The following KLRG1 variants were observed in gnomAD, a reference collection of about 807,000 sequenced individuals.
KLRG1 encodes the protein killer cell lectin like receptor G1.
KLRG1 carries 16 observed loss-of-function variants against 21.8 expected under a neutral mutation model. The ratio of observed to expected loss-of-function variants is 0.73; its 90% CI spans 0.50 to 1.11. The LOEUF (loss-of-function observed/expected upper bound fraction) is 1.11. Ranked by LOEUF, KLRG1 falls within the 50% of genes most tolerant of loss-of-function variation. KLRG1 has a pLI of 0.00. For missense variants in KLRG1, 173 were observed against 218.3 expected (o/e 0.79, Z 1.31); for synonymous variants, 69 against 75.9 (o/e 0.91, Z 0.47).
the KLRG1 span, chr12:9,149,439 G>T: frequency 2.1e-6 from 2 of 965,346 alleles, no homozygotes; most frequent in Non-Finnish European, 3.1e-6. Flanking sequence ...GTCTTGGTGT[G>T]AGGACATGCC....
At chr12:9,053,223 G>A in the KLRG1 span, among the ~76,000 whole-genome samples, 41 of 152,178 alleles carry the variant, frequency 2.7e-4, no homozygotes, top group African/African-American at 9.4e-4. Flanking sequence ...GTCCTGTGCA[G>A]GGTTGTTCCC....
At chr12:9,171,870 G>T in the KLRG1 span, among the ~76,000 whole-genome samples, 2 of 152,136 alleles carry the variant, frequency 1.3e-5, no homozygotes, top group Non-Finnish European at 2.9e-5. Flanking sequence ...GACTGATTGG[G>T]ATCCTTGAAA....
the KLRG1 span, among the ~76,000 whole-genome samples, chr12:9,133,475 A>G: frequency 6.6e-6 from 1 of 152,270 alleles, no homozygotes; most frequent in Non-Finnish European, 1.5e-5. Context: ...ATCAAAGTAT[A>G]TAAACAAATA....
At chr12:9,017,085 G>A in the KLRG1 span, among the ~76,000 whole-genome samples, 8 of 151,648 alleles carry the variant, frequency 5.3e-5, no homozygotes, top group East Asian at 9.7e-4. Flanking sequence ...CCAACATGGC[G>A]AAACCTTGTC....
the KLRG1 span, among the ~76,000 whole-genome samples, chr12:9,042,329 T>A: frequency 6.6e-6 from 1 of 152,180 alleles, no homozygotes; most frequent in Admixed American, 6.5e-5. Flanking sequence ...CAGTAAAAGA[T>A]TATTAAAGTA....
chr12:9,088,848 T>C, the KLRG1 span, among the ~76,000 whole-genome samples: 3 of 152,212 alleles, frequency 2.0e-5, no homozygotes, highest in Non-Finnish European at 2.9e-5. Context: ...TAGAATGCCC[T>C]AAATTCAGCC....
the KLRG1 span, chr12:9,079,223 A>C: frequency 1.2e-6 from 2 of 1,605,236 alleles, no homozygotes; most frequent in Non-Finnish European, 1.7e-6. Context: ...AAAGAAGCTC[A>C]AAAAATTGTT....
chr12:9,131,855 A>G, the KLRG1 span, among the ~76,000 whole-genome samples: 1 of 151,938 alleles, frequency 6.6e-6, no homozygotes, highest in African/African-American at 2.4e-5. Flanking sequence ...AAATGAGAAG[A>G]TATTTTCCAA....
intron 3 of KLRG1, among the ~76,000 whole-genome samples, chr12:9,002,549 T>C (rs146607866): frequency 2.7e-4 from 40 of 150,504 alleles, no homozygotes; most frequent in African/African-American, 9.5e-4. Flanking sequence ...GAGTTCTCAG[T>C]TACCACCTTT....
chr12:9,082,109 AC>A, the KLRG1 span, among the ~76,000 whole-genome samples: 1 of 152,126 alleles, frequency 6.6e-6, no homozygotes, highest in African/African-American at 2.4e-5. Flanking sequence ...AATATGCTTG[AC>A]CTGGGAGTCT....
At chr12:9,138,838 A>G in the KLRG1 span, among the ~76,000 whole-genome samples, 3 of 150,566 alleles carry the variant, frequency 2.0e-5, no homozygotes, top group Non-Finnish European at 3.0e-5. Flanking sequence ...ATCTTCTTTC[A>G]TTTCTTTTTT....
chr12:9,122,289 G>A, the KLRG1 span, among the ~76,000 whole-genome samples: 6 of 152,206 alleles, frequency 3.9e-5, no homozygotes, highest in African/African-American at 1.4e-4. Context: ...GTGTTTGTGT[G>A]TGGGTTTGCA....
chr12:9,177,455 C>T, the KLRG1 span, among the ~76,000 whole-genome samples: 2 of 152,190 alleles, frequency 1.3e-5, no homozygotes, highest in Admixed American at 6.5e-5. Context: ...GCTAGACCCA[C>T]CTAGCTAAGC....
chr12:9,163,848 G>A, the KLRG1 span: 6 of 1,546,990 alleles, frequency 3.9e-6, no homozygotes, highest in Admixed American at 6.2e-5. Flanking sequence ...TCACCTTTAA[G>A]GGCTGCACCT....
the KLRG1 span, chr12:9,066,827 A>C: frequency 6.6e-6 from 1 of 152,128 alleles, no homozygotes; most frequent in African/African-American, 2.4e-5. Flanking sequence ...CTGCCTAACT[A>C]AGCATTGTCA....
At chr12:9,169,188 A>C in the KLRG1 span, among the ~76,000 whole-genome samples, 8 of 151,906 alleles carry the variant, frequency 5.3e-5, no homozygotes, top group South Asian at 1.2e-3. Context: ...AAATAAAAAA[A>C]CCTAAATATA....
chr12:9,112,116 G>A, the KLRG1 span: 3 of 1,602,988 alleles, frequency 1.9e-6, no homozygotes, highest in Non-Finnish European at 2.6e-6. Flanking sequence ...TTCCCAGCCT[G>A]TTTATACAGA....
At chr12:9,009,279 A>G in intron 4 of KLRG1, 147 bp from the exon 5 acceptor site, 1 of 1,007,628 alleles carries the variant, frequency 9.9e-7, no homozygotes, top group South Asian at 1.7e-5. Flanking sequence ...AGAGAGGCTG[A>G]TGAACAATTT....
the KLRG1 span, chr12:9,080,218 G>T: frequency 3.0e-6 from 4 of 1,353,510 alleles, no homozygotes; most frequent in South Asian, 1.3e-5. Flanking sequence ...AATTATTTCT[G>T]CATTATATCT....
Sources: allele counts gnomAD v4.1 joint callset (sites outside exome capture counted in the v4.1 genomes callset), GRCh38; gene constraint gnomAD v4.1.1; transcripts MANE v1.5; gene names NCBI Gene and HGNC (gene_info 2026-07-23, HGNC 2026-07-21).